Variants in RAD51C observed in about 807,000 individuals in gnomAD.
RAD51C encodes the protein RAD51 paralog C.
A neutral mutation model predicts 45.0 loss-of-function variants in RAD51C; 42 were observed. The observed-to-expected ratio is 0.93, with a 90% CI of 0.73 to 1.21. The LOEUF (loss-of-function observed/expected upper bound fraction) is 1.21, where lower values mean the gene tolerates loss of function less well. Ranked by LOEUF, RAD51C falls within the 50% of genes most tolerant of loss-of-function variation. The pLI is 0.00. For missense variants in RAD51C, 474 were observed against 452.2 expected (o/e 1.05, Z -0.44); for synonymous variants, 172 against 159.8 (o/e 1.08, Z -0.58).
In RAD51C at chr17:58,734,628, T is replaced by C. The variant is rs988575111; in HGVS notation, c.*406T>C. On this transcript the variant is annotated 3_prime_UTR_variant, in exon 9 of 9. Coordinates refer to ENST00000337432, the MANE Select transcript of RAD51C (RefSeq NM_058216.3). ...TTTTTTTTTGGAGATGGATTCTCGC[T>C]CTGTAGTCCAGGCTGGAGTGCAATG... The C allele has an allele frequency of 9.5e-6, 2 of 211,450 alleles. No individual in the cohort carries two copies. Among genetic ancestry groups the C allele is most frequent in the African/African-American group, 5.4e-5 (2 of 37,334 alleles). The allele number at this position is 211,450 out of a possible 1,614,324, so 13.1% of individuals were successfully genotyped here.
chr17:58,701,090 G>T (rs544689253), intron 3 of RAD51C, among the ~76,000 whole-genome samples: 21 of 151,906 alleles, frequency 1.4e-4, no homozygotes, highest in Non-Finnish European at 2.8e-4. Context: ...TTGTAGAGAC[G>T]GAGTTTCACC....
At chr17:58,697,059 G>C (rs762385165) in intron 3 of RAD51C, among the ~76,000 whole-genome samples, 200 bp downstream of exon 3, 2 of 151,868 alleles carry the variant, frequency 1.3e-5, no homozygotes, top group Admixed American at 6.6e-5. Flanking sequence ...CCCCTTTTAT[G>C]GCCCTCACTT....
chr17:58,733,235 C>T (rs2049511588), intron 8 of RAD51C, among the ~76,000 whole-genome samples: 1 of 152,136 alleles, frequency 6.6e-6, no homozygotes, highest in Non-Finnish European at 1.5e-5. Flanking sequence ...AGACTAGTCT[C>T]AAACTCCTGA....
intron 3 of RAD51C, 21 bp downstream of exon 3, chr17:58,696,880 C>G (rs763093967): frequency 1.9e-6 from 3 of 1,612,388 alleles, no homozygotes; most frequent in Non-Finnish European, 1.7e-6. Flanking sequence ...AAATGATCTT[C>G]TTTTTTTCTG....
At chr17:58,717,533 TC>T (rs1231423228) in intron 5 of RAD51C, among the ~76,000 whole-genome samples, 1 of 152,082 alleles carries the variant, frequency 6.6e-6, no homozygotes, top group Non-Finnish European at 1.5e-5. Flanking sequence ...GGTCAGGAGT[TC>T]GAGACCAGCC....
At chr17:58,720,881 T>C (rs1056360521) in intron 6 of RAD51C, 69 bp downstream of exon 6, 4 of 1,281,636 alleles carry the variant, frequency 3.1e-6, no homozygotes, top group Non-Finnish European at 4.5e-6. Flanking sequence ...TTGATTCTCA[T>C]TGAGTACTAT....
intron 7 of RAD51C, among the ~76,000 whole-genome samples, chr17:58,727,741 G>A (rs1009191250): frequency 2.0e-5 from 3 of 151,642 alleles, no homozygotes; most frequent in Non-Finnish European, 4.4e-5. Context: ...CAGCCTGGCC[G>A]AAATGGCAAG....
At chr17:58,697,187 C>T (rs2048047848) in intron 3 of RAD51C, among the ~76,000 whole-genome samples, 1 of 152,206 alleles carries the variant, frequency 6.6e-6, no homozygotes, top group Non-Finnish European at 1.5e-5. Context: ...TTGTTAAATG[C>T]TTTCCAATGT....
chr17:58,729,780 C>G (rs2144023791), intron 7 of RAD51C, among the ~76,000 whole-genome samples: 1 of 152,040 alleles, frequency 6.6e-6, no homozygotes, highest in Non-Finnish European at 1.5e-5. Flanking sequence ...CCATTTTGAC[C>G]AGGCTGGTCT....
rs371608994 is a variant in RAD51C, at chr17:58,692,778, G to A, written c.135G>A (p.Glu45=). ...AEELLEVKPS[E]LSKEVGISKA... ...AACTCCTAGAGGTGAAACCCTCCGA[G>A]CTTAGCAAAGGTAACGACTCCTGAT... The change falls in exon 1 of 9, where the codon GAG becomes GAA. Residue 45 remains glutamate, a synonymous_variant. Transcript: ENST00000337432. 4.3e-6 allele frequency: 7 copies of A among 1,614,108 alleles called. No individual in the cohort carries two copies. The highest frequency in any genetic ancestry group is 5.9e-6 in the Non-Finnish European group (7 of 1,180,052).
chr17:58,721,463 T>C (rs2048914853), intron 6 of RAD51C, among the ~76,000 whole-genome samples: 1 of 152,162 alleles, frequency 6.6e-6, no homozygotes, highest in South Asian at 2.1e-4. Flanking sequence ...TTAAAGAATA[T>C]TCTACCAGAG....
intron 4 of RAD51C, among the ~76,000 whole-genome samples, chr17:58,703,791 C>G (rs1472312861): frequency 6.6e-6 from 1 of 151,562 alleles, no homozygotes; most frequent in Non-Finnish European, 1.5e-5. Context: ...AGACATTGTC[C>G]CCACCAAAAA....
chr17:58,718,017 T>C (rs1305923079), intron 5 of RAD51C, among the ~76,000 whole-genome samples: 1 of 151,950 alleles, frequency 6.6e-6, no homozygotes, highest in Admixed American at 6.6e-5. Context: ...TTTTTTTGAG[T>C]TGGAGTCTTG....
intron 5 of RAD51C, among the ~76,000 whole-genome samples, chr17:58,710,473 G>T (rs1208907356): frequency 6.6e-6 from 1 of 150,962 alleles, no homozygotes; most frequent in Non-Finnish European, 1.5e-5. Context: ...ACTCCAGCCT[G>T]GGCAGCAGCA....
rs2047954401 is a variant in RAD51C at position 58,695,118 on chromosome 17, T to TG, written c.338dup (p.Gly114TrpfsTer41). ...TCTGTTCAGCACTAGATGATATTCT[T>TG]GGGGGTGGAGTGCCCTTAATGAAAA... On this transcript the variant is annotated frameshift_variant, in exon 2 of 9. Coordinates refer to ENST00000337432, the MANE Select transcript of RAD51C (RefSeq NM_058216.3). LOFTEE classifies it high-confidence loss of function. 6.2e-7 allele frequency: 1 copy of TG among 1,614,002 alleles called. No homozygotes were observed.
At chr17:58,728,404 CT>C (rs71143283) in intron 7 of RAD51C, among the ~76,000 whole-genome samples, 60,565 of 129,496 alleles carry the variant, frequency 0.47, 13,327 homozygotes, top group African/African-American at 0.63. Context: ...TTTTTTTTTT[CT>C]TTTTTTTTTT....
At chr17:58,728,720 C>A (rs2049274458) in intron 7 of RAD51C, among the ~76,000 whole-genome samples, 1 of 152,154 alleles carries the variant, frequency 6.6e-6, no homozygotes. Context: ...TCTTGAATAG[C>A]CAAATTATAT....
At chr17:58,728,692 C>T (rs1028579378) in intron 7 of RAD51C, among the ~76,000 whole-genome samples, 2 of 152,098 alleles carry the variant, frequency 1.3e-5, no homozygotes, top group African/African-American at 4.8e-5. Flanking sequence ...GCCACAGCAC[C>T]CGTCCAGAAA....
chr17:58,715,352 G>T (rs2048695940), intron 5 of RAD51C, among the ~76,000 whole-genome samples: 1 of 151,300 alleles, frequency 6.6e-6, no homozygotes, highest in African/African-American at 2.4e-5. Flanking sequence ...TACTCAGGAG[G>T]CTGAGGCAGG....
Sources: gnomAD v4.1 joint callset for allele counts (sites outside exome capture counted in the v4.1 genomes callset) on GRCh38, gnomAD v4.1.1 for gene constraint, MANE v1.5 for transcripts, NCBI Gene and HGNC (gene_info 2026-07-23, HGNC 2026-07-21) for gene names.